ATP8B4: variants seen among roughly 807,000 people sequenced by gnomAD.
ATP8B4 encodes the protein probable phospholipid-transporting ATPase IM.
A neutral mutation model predicts 145.6 loss-of-function variants in ATP8B4; 133 were observed. The observed-to-expected ratio is 0.91, with a 90% CI of 0.79 to 1.05. The LOEUF is 1.05. ATP8B4 is among the 50% of genes least tolerant of loss of function. ATP8B4 has a pLI of 0.00. For synonymous variants in ATP8B4, 507 were observed against 492.9 expected (o/e 1.03, Z -0.38); for missense variants, 1,458 against 1,425.2 (o/e 1.02, Z -0.37).
intron 10 of ATP8B4, among the ~76,000 whole-genome samples, chr15:49,984,239 A>G (rs1223639501): frequency 6.6e-6 from 1 of 152,206 alleles, no homozygotes; most frequent in Non-Finnish European, 1.5e-5. Flanking sequence ...TTGAACCTCG[A>G]CATAAGTAAT....
intron 15 of ATP8B4, 74 bp downstream of exon 15, chr15:49,933,943 T>C (rs2041498078): frequency 7.1e-7 from 1 of 1,413,828 alleles, no homozygotes; most frequent in African/African-American, 1.5e-5. Context: ...TTGTAAATCC[T>C]TCAAATTTAG....
At chr15:50,058,863 C>A (rs983209126) in intron 3 of ATP8B4, among the ~76,000 whole-genome samples, 2 of 150,256 alleles carry the variant, frequency 1.3e-5, no homozygotes, top group Non-Finnish European at 3.0e-5. Flanking sequence ...TGTTGAGTGG[C>A]TTTTGTTTGG....
At chr15:49,934,899 G>GT (rs1280513464) in intron 14 of ATP8B4, among the ~76,000 whole-genome samples, 1 of 152,086 alleles carries the variant, frequency 6.6e-6, no homozygotes, top group Non-Finnish European at 1.5e-5. Flanking sequence ...TATTGCTAAA[G>GT]TTTTTATTCT....
chr15:50,035,860 C>T (rs1486062032), intron 6 of ATP8B4, among the ~76,000 whole-genome samples: 1 of 152,156 alleles, frequency 6.6e-6, no homozygotes, highest in Admixed American at 6.5e-5. Flanking sequence ...ATGGCTCCTG[C>T]CCTAGTTTGA....
At chr15:49,913,752 A>G (rs967365704) in intron 20 of ATP8B4, among the ~76,000 whole-genome samples, 13 of 152,292 alleles carry the variant, frequency 8.5e-5, no homozygotes, top group African/African-American at 3.1e-4. Context: ...AGTACCTGAG[A>G]AAGAAAGCAA....
intron 1 of ATP8B4, among the ~76,000 whole-genome samples, chr15:50,169,039 G>A (rs1210572280): frequency 6.6e-6 from 1 of 152,130 alleles, no homozygotes; most frequent in Non-Finnish European, 1.5e-5. Flanking sequence ...CGCCCAAGGA[G>A]AGTCTGAGCT....
At chr15:50,163,280 A>G (rs2044547858) in intron 1 of ATP8B4, among the ~76,000 whole-genome samples, 1 of 152,204 alleles carries the variant, frequency 6.6e-6, no homozygotes, top group Non-Finnish European at 1.5e-5. Context: ...CTTTCCAAGT[A>G]TTCCAAGGCA....
chr15:50,088,115 C>T (rs1381165408), intron 2 of ATP8B4, among the ~76,000 whole-genome samples: 5 of 151,994 alleles, frequency 3.3e-5, no homozygotes, highest in Admixed American at 1.3e-4. Context: ...AGGTTGGGCA[C>T]GGTGGCTCAC....
rs2032790875 is a variant in ATP8B4, at chr15:49,866,365, T to C, written c.3147A>G (p.Pro1049=). 1.2e-6 allele frequency: 2 copies of C among 1,613,936 alleles called. No homozygotes were observed. ...MHSNGIFGIF[P]NQFPFVGNAR... is the part of the protein sequence containing the mutation. ...ACTTACCAACAAATGGAAACTGGTT[T>C]GGGAAGATGCCAAAGATGCCATTAC... The change falls in exon 26 of 28, where the codon CCA becomes CCG. Residue 1049 remains proline, a synonymous_variant. Coordinates refer to ENST00000284509, the MANE Select transcript of ATP8B4 (RefSeq NM_024837.4).
intron 14 of ATP8B4, among the ~76,000 whole-genome samples, chr15:49,942,639 A>G (rs1255148786): frequency 1.3e-5 from 2 of 152,078 alleles, no homozygotes; most frequent in African/African-American, 4.8e-5. Flanking sequence ...TTAAAAAAAC[A>G]TGGTGAAACC....
intron 1 of ATP8B4, among the ~76,000 whole-genome samples, chr15:50,173,035 G>A (rs2044707885): frequency 8.0e-6 from 1 of 124,258 alleles, no homozygotes. Flanking sequence ...TCCGGGAGGT[G>A]GGGGCAGCCT....
At chr15:50,142,544 A>G (rs1317292247) in intron 1 of ATP8B4, among the ~76,000 whole-genome samples, 2 of 152,194 alleles carry the variant, frequency 1.3e-5, no homozygotes, top group Non-Finnish European at 2.9e-5. Flanking sequence ...CAAGCAGGAA[A>G]ACAACACGGC....
intron 24 of ATP8B4, among the ~76,000 whole-genome samples, chr15:49,878,084 G>T (rs946493103): frequency 2.6e-5 from 4 of 152,186 alleles, no homozygotes; most frequent in African/African-American, 9.7e-5. Flanking sequence ...AAAGGAGAGA[G>T]GAGCAGACAC....
intron 14 of ATP8B4, among the ~76,000 whole-genome samples, chr15:49,942,615 T>TA (rs896390507): frequency 1.2e-4 from 18 of 150,758 alleles, no homozygotes; most frequent in African/African-American, 3.9e-4. Flanking sequence ...AAAAGTCATT[T>TA]AAAAAAAAAG....
intron 16 of ATP8B4, among the ~76,000 whole-genome samples, chr15:49,926,681 C>T (rs2153460642): frequency 6.6e-6 from 1 of 152,220 alleles, no homozygotes; most frequent in Non-Finnish European, 1.5e-5. Flanking sequence ...GCTTGAAGGC[C>T]CTGGAACATA....
chr15:49,872,908 T>C (rs1566905879), intron 25 of ATP8B4, among the ~76,000 whole-genome samples: 1 of 152,274 alleles, frequency 6.6e-6, no homozygotes, highest in East Asian at 1.9e-4. Flanking sequence ...TTCATAGTTT[T>C]AACAAATGCA....
At chr15:49,875,112 A>G (rs1249237695) in intron 25 of ATP8B4, among the ~76,000 whole-genome samples, 1 of 152,234 alleles carries the variant, frequency 6.6e-6, no homozygotes, top group Non-Finnish European at 1.5e-5. Flanking sequence ...GTACACATGC[A>G]CACACACATA....
In ATP8B4 at chr15:49,986,515, A is replaced by G. The variant is rs189829963; in HGVS notation, c.748+876T>C. On this transcript the variant is annotated intron_variant, in intron 10 of 27. Coordinates refer to ENST00000284509, the MANE Select transcript of ATP8B4 (RefSeq NM_024837.4). ...AAGCGGCAAGAGCACTGCTAACACC[A>G]ACAGCTGACAGTATTTAGAGGAATT... Among the ~76,000 whole-genome samples, 233 of 152,334 alleles carry G rather than the reference A, an allele frequency of 1.5e-3. 1 individual carries two copies. Among genetic ancestry groups the G allele is most frequent in the African/African-American group, 5.2e-3 (215 of 41,578 alleles).
Position 50,102,094 on chromosome 15 carries a change from G to A in ATP8B4, c.28+4845C>T, listed in dbSNP as rs184515289. On this transcript the variant is annotated intron_variant, in intron 2 of 27. Coordinates refer to ENST00000284509, the MANE Select transcript of ATP8B4 (RefSeq NM_024837.4). ...AAACCTCTGGGATACAGCAAAAGCG[G>A]TGCTAAGAGGAAACTTCATAGCATT... Among the ~76,000 whole-genome samples, 4 of 152,194 alleles carry A rather than the reference G, an allele frequency of 2.6e-5. No homozygotes were observed. The East Asian group carries it at 7.7e-4, about 29-fold the overall frequency.
Sources: allele counts gnomAD v4.1 joint callset (sites outside exome capture counted in the v4.1 genomes callset), GRCh38; gene constraint gnomAD v4.1.1; transcripts MANE v1.5; gene names NCBI Gene and HGNC (gene_info 2026-07-23, HGNC 2026-07-21).